The following DYNC2H1 variants were observed in gnomAD, a reference collection of about 807,000 sequenced individuals.
DYNC2H1 encodes the protein dynein cytoplasmic 2 heavy chain 1.
Under a neutral mutation model 570.0 loss-of-function variants are expected in DYNC2H1, and 410 were observed. That is an observed-to-expected ratio of 0.72 (90% CI 0.66 to 0.78). The LOEUF (loss-of-function observed/expected upper bound fraction) is 0.78. Among genes scored for constraint, DYNC2H1 ranks in the 30% least tolerant of loss-of-function variants. The pLI, the probability that DYNC2H1 is intolerant of heterozygous loss-of-function variation, is 0.00. For synonymous variants in DYNC2H1, 1,688 were observed against 1,677.6 expected, an observed-to-expected ratio of 1.01 and a Z score of -0.15; for missense variants, 4,865 against 5,046.4, an observed-to-expected ratio of 0.96 and a Z score of 1.09.
intron 88 of DYNC2H1, among the ~76,000 whole-genome samples, chr11:103,471,906 G>A (rs1320535449): frequency 6.6e-6 from 1 of 152,118 alleles, no homozygotes; most frequent in East Asian, 1.9e-4. Context: ...GAACAATGAG[G>A]GAAAGTCAGA....
chr11:103,138,040 G>C (rs1859674125), intron 17 of DYNC2H1, among the ~76,000 whole-genome samples: 1 of 150,420 alleles, frequency 6.6e-6, no homozygotes, highest in African/African-American at 2.4e-5. Context: ...TCTGTTATTG[G>C]TGTATAAGAA....
intron 82 of DYNC2H1, among the ~76,000 whole-genome samples, chr11:103,332,614 A>T (rs1388507967): frequency 6.6e-6 from 1 of 152,244 alleles, no homozygotes; most frequent in Non-Finnish European, 1.5e-5. Context: ...CATTCAAGTC[A>T]GAAGATAATG....
At chr11:103,300,538 G>A (rs1867004409) in intron 75 of DYNC2H1, among the ~76,000 whole-genome samples, 1 of 151,916 alleles carries the variant, frequency 6.6e-6, no homozygotes, top group Non-Finnish European at 1.5e-5. Flanking sequence ...GGAGTTTTGT[G>A]GGCAGGATGG....
At chr11:103,242,207 A>G (rs958825154) in intron 63 of DYNC2H1, among the ~76,000 whole-genome samples, 1 of 152,160 alleles carries the variant, frequency 6.6e-6, no homozygotes, top group African/African-American at 2.4e-5. Flanking sequence ...ACATACATGC[A>G]TATATATACA....
intron 78 of DYNC2H1, among the ~76,000 whole-genome samples, chr11:103,308,615 T>C (rs4278491): frequency 0.17 from 26,207 of 152,064 alleles, 2,419 homozygotes; most frequent in Admixed American, 0.26. Context: ...ACATTCCCAC[T>C]AGCACTGAAC....
intron 45 of DYNC2H1, 126 bp from the exon 46 acceptor site, chr11:103,191,391 A>G (rs923238772): frequency 3.1e-6 from 2 of 649,214 alleles, no homozygotes; most frequent in African/African-American, 3.7e-5. Context: ...AGTCATTTAT[A>G]TTGAAATCCA....
rs986293942 is a variant in DYNC2H1, at chr11:103,261,409, C to T, written c.10695+1432C>T. On this transcript the variant is annotated intron_variant, in intron 70 of 88. Transcript: ENST00000375735. This position sits in a 1 kb window ranked among gnomAD's most constrained non-coding sequence, Gnocchi z 4.8. Reference sequence around the variant, plus strand: ...CCTGTGCCTCCTGACTGGGAGACACCTCCCAGAAGGGGTCGACAGACATCT... The same window carrying T: ...CCTGTGCCTCCTGACTGGGAGACACTTCCCAGAAGGGGTCGACAGACATCT... Among the ~76,000 whole-genome samples the T allele has an allele frequency of 1.3e-5, 2 of 152,234 alleles. No homozygotes were observed. Among genetic ancestry groups the T allele is most frequent in the African/African-American group, 4.8e-5 (2 of 41,460 alleles).
In DYNC2H1 at chr11:103,189,632, G is replaced by A. The variant is rs369190094; in HGVS notation, c.7293-40G>A. 27 of 1,592,654 alleles carry A rather than the reference G, an allele frequency of 1.7e-5. No homozygotes were observed. The highest frequency in any genetic ancestry group is 1.3e-4 in the African/African-American group (10 of 74,258). The stretch of plus-strand genomic sequence containing the variant: ...CATTGAAATATTAATTTGGAATACT[G>A]ATTTATTTCAGCTTTCTTCTTATAT... On this transcript the variant is annotated intron_variant, in intron 44 of 88. Transcript: ENST00000375735. The surrounding 1 kb of genome is among the most constrained non-coding windows in gnomAD (Gnocchi z 4.3).
At chr11:103,147,955 T>TTGATAGTG in intron 19 of DYNC2H1, 68 bp downstream of exon 19, 1 of 1,130,350 alleles carries the variant, frequency 8.8e-7, no homozygotes, top group East Asian at 2.6e-5. Flanking sequence ...TTGATAGTTA[T>TTGATAGTG]AAAATGTGAA....
chr11:103,460,309 T>C (rs1441195811), intron 87 of DYNC2H1, among the ~76,000 whole-genome samples: 1 of 131,218 alleles, frequency 7.6e-6, no homozygotes, highest in African/African-American at 3.3e-5. Flanking sequence ...CATGTAATTA[T>C]AGCATCATTT....
chr11:103,241,514 T>G lies in DYNC2H1; in HGVS notation c.9820-2179T>G. On this transcript the variant is annotated intron_variant, in intron 63 of 88. Transcript: ENST00000375735. This position sits in a 1 kb window ranked among gnomAD's most constrained non-coding sequence, Gnocchi z 5.1. ...GAAATGTTACCTTTCTTCTTTTCAT[T>G]TAACTGCATCAGATCATTGGTTTGA... 6.3e-7 allele frequency: 1 copy of G among 1,592,950 alleles called. No individual in the cohort carries two copies. Among genetic ancestry groups the G allele is most frequent in the Admixed American group, 1.7e-5 (1 of 59,440 alleles).
chr11:103,186,495 G>T lies in DYNC2H1; in HGVS notation c.6887G>T (p.Gly2296Val). Residue 2296 changes from glycine to valine, a missense_variant, in exon 42 of 89, where the codon GGC becomes GTC. By Grantham distance (109) the Gly-to-Val change is moderately radical (BLOSUM62 -3). This residue lies in a region of DYNC2H1 where 2,401 missense variants were observed against 2,454.6 expected (regional missense o/e 0.98). Transcript: ENST00000375735. This position sits in a 1 kb window ranked among gnomAD's most constrained non-coding sequence, Gnocchi z 4.5. ...ATTCTGGTAGGACCAGAAGGATGTG[G>T]CAAAGGGTAAGAAAAATATTGGCAA... ...PFILVGPEGCGKGMLLRYAFS... is the reference protein window; with the variant it reads ...PFILVGPEGCVKGMLLRYAFS... 1 of 1,609,430 alleles carries T rather than the reference G, an allele frequency of 6.2e-7. No individual in the cohort carries two copies. The highest frequency in any genetic ancestry group is 8.5e-7 in the Non-Finnish European group (1 of 1,178,666).
chr11:103,200,216 A>C, intron 50 of DYNC2H1, 62 bp downstream of exon 50: 1 of 1,254,492 alleles, frequency 8.0e-7, no homozygotes, highest in Non-Finnish European at 1.1e-6. Context: ...ATCCAAGTAA[A>C]ATTATCTTGT....
Position 103,393,909 on chromosome 11 carries a change from C to T in DYNC2H1, c.12157-5754C>T, listed in dbSNP as rs535512772. The stretch of plus-strand genomic sequence containing the variant: ...TCCTCTTTATAAGACTATCAGATTT[C>T]ATGAGACTTATTCACTATCACGAGT... On this transcript the variant is annotated intron_variant, in intron 83 of 88. Coordinates refer to ENST00000375735, the MANE Select transcript of DYNC2H1 (RefSeq NM_001377.3). 2.8e-4 allele frequency among the ~76,000 whole-genome samples: 42 copies of T among 152,258 alleles called. 1 individual carries two copies. The South Asian group carries it at 7.7e-3, about 28-fold the overall frequency.
chr11:103,323,594 C>T (rs978260743), intron 81 of DYNC2H1, among the ~76,000 whole-genome samples: 1 of 151,956 alleles, frequency 6.6e-6, no homozygotes, highest in Non-Finnish European at 1.5e-5. Context: ...AACATGGTAG[C>T]TTACATATAG....
intron 84 of DYNC2H1, 41 bp downstream of exon 84, chr11:103,399,913 A>T: frequency 6.6e-7 from 1 of 1,508,956 alleles, no homozygotes; most frequent in East Asian, 2.3e-5. Context: ...TTTCATTGTT[A>T]TAAGTGACTC....
rs760900641 is a variant in DYNC2H1 at position 103,135,652 on chromosome 11, C to G, written c.2345+18C>G. The G allele has an allele frequency of 3.7e-6, 6 of 1,608,030 alleles. No homozygotes were observed. On this transcript the variant is annotated intron_variant, in intron 16 of 88. Transcript: ENST00000375735. ...ACTTACAAGTAAGATGTTTTTTCAA[C>G]CCCAATTTAATGTTCATTGTATAAT...
chr11:103,377,618 A>G (rs992181481), intron 83 of DYNC2H1, among the ~76,000 whole-genome samples: 1 of 152,144 alleles, frequency 6.6e-6, no homozygotes, highest in Non-Finnish European at 1.5e-5. Flanking sequence ...CTAATCTTTT[A>G]CATTCTTATA....
intron 84 of DYNC2H1, among the ~76,000 whole-genome samples, chr11:103,419,492 A>G (rs1282126200): frequency 1.3e-5 from 2 of 152,122 alleles, no homozygotes; most frequent in Non-Finnish European, 2.9e-5. Flanking sequence ...GATACAGGAA[A>G]AATCAAGGCA....
Sources: gnomAD v4.1 joint callset for allele counts (sites outside exome capture counted in the v4.1 genomes callset) on GRCh38, gnomAD v4.1.1 for gene constraint, gnomAD v4.1.1 regional missense constraint, Gnocchi (gnomAD v3.1) non-coding constraint, MANE v1.5 for transcripts, NCBI Gene and HGNC (gene_info 2026-07-23, HGNC 2026-07-21) for gene names.